WDFY2: variants seen among roughly 807,000 people sequenced by gnomAD.
The protein encoded by WDFY2 is WD repeat and FYVE domain-containing protein 2.
In WDFY2, 36 loss-of-function variants were observed where a neutral mutation model predicts 56.4. The observed-to-expected ratio is 0.64, with a 90% CI of 0.49 to 0.84. The LOEUF is 0.84. Among genes scored for constraint, WDFY2 ranks in the 40% least tolerant of loss-of-function variants. The probability of loss-of-function intolerance (pLI) is 0.00; values close to 1 mark genes in which losing one functional copy is unlikely to be tolerated. For synonymous variants in WDFY2, 176 were observed against 183.7 expected (o/e 0.96, Z 0.34); for missense variants, 444 against 512.2 (o/e 0.87, Z 1.29).
At chr13:51,661,575 G>T (rs1955614693) in intron 2 of WDFY2, among the ~76,000 whole-genome samples, 1 of 152,122 alleles carries the variant, frequency 6.6e-6, no homozygotes. Flanking sequence ...ATGCTAAATT[G>T]TAGATTTGCT....
At chr13:51,714,215 A>G (rs1474708343) in intron 4 of WDFY2, among the ~76,000 whole-genome samples, 4 of 147,620 alleles carry the variant, frequency 2.7e-5, no homozygotes, top group Non-Finnish European at 6.0e-5. Context: ...ATTCCTTTCA[A>G]AAAAAAAAAA....
At chr13:51,654,480 G>A (rs770391784) in intron 1 of WDFY2, among the ~76,000 whole-genome samples, 6 of 152,098 alleles carry the variant, frequency 3.9e-5, no homozygotes, top group African/African-American at 4.8e-5. Flanking sequence ...GAAATCATTC[G>A]CCTTCTGCGT....
chr13:51,759,095 T>G (rs775446594), intron 11 of WDFY2, among the ~76,000 whole-genome samples: 2 of 152,184 alleles, frequency 1.3e-5, no homozygotes, highest in Non-Finnish European at 2.9e-5. Context: ...GTGCAAGAAT[T>G]ACTTGAGCCC....
chr13:51,718,617 A>G (rs1952419024), intron 4 of WDFY2, among the ~76,000 whole-genome samples: 1 of 151,336 alleles, frequency 6.6e-6, no homozygotes, highest in Non-Finnish European at 1.5e-5. Context: ...AACATAAGGG[A>G]TACTTCACTT....
rs368134096 is a variant in WDFY2 at position 51,701,520 on chromosome 13, C to CAAA, written c.280-2059_280-2057dup. Among the ~76,000 whole-genome samples, 209 of 79,460 alleles carry CAAA rather than the reference C, an allele frequency of 2.6e-3. 3 individuals are homozygous for CAAA. The highest frequency in any genetic ancestry group is 0.013 in the South Asian group (31 of 2,448). 52.1% of individuals were successfully genotyped at this position (79,460 alleles called of 152,430 possible). ...TGGGTGACAGAGCAAGATTCCATCT[C>CAAA]AAAAAAAAAAAAAAAAAAAGTAATA... is the stretch of plus-strand genomic sequence containing the variant. On this transcript the variant is annotated intron_variant, in intron 3 of 11. Transcript: ENST00000298125.
At chr13:51,602,089 T>G (rs1245756888) in intron 1 of WDFY2, among the ~76,000 whole-genome samples, 1 of 152,204 alleles carries the variant, frequency 6.6e-6, no homozygotes, top group Non-Finnish European at 1.5e-5. Flanking sequence ...AACAGGGTCT[T>G]TGAGGAAGTA....
At chr13:51,591,763 C>T (rs1954048183) in intron 1 of WDFY2, 1 of 152,064 alleles carries the variant, frequency 6.6e-6, no homozygotes, top group African/African-American at 2.4e-5. Context: ...TGTTTTGTAC[C>T]TTCTTTTTCT....
At chr13:51,607,030 T>C (rs1307321035) in intron 1 of WDFY2, among the ~76,000 whole-genome samples, 4 of 152,206 alleles carry the variant, frequency 2.6e-5, no homozygotes, top group Non-Finnish European at 2.9e-5. Flanking sequence ...AAATAACCTC[T>C]AGCAGCCAAA....
chr13:51,642,970 C>G (rs985108033), intron 1 of WDFY2, among the ~76,000 whole-genome samples: 6 of 152,290 alleles, frequency 3.9e-5, no homozygotes, highest in South Asian at 2.1e-4. Context: ...GGCACTGCGC[C>G]CAGCCATGTG....
intron 1 of WDFY2, among the ~76,000 whole-genome samples, chr13:51,641,571 A>G (rs534301483): frequency 6.6e-6 from 1 of 151,436 alleles, no homozygotes; most frequent in African/African-American, 2.4e-5. Context: ...TCACGCCTGT[A>G]ATCCCAGCAC....
chr13:51,638,169 G>A (rs760257040), intron 1 of WDFY2, among the ~76,000 whole-genome samples: 5 of 152,206 alleles, frequency 3.3e-5, no homozygotes, highest in Non-Finnish European at 4.4e-5. Context: ...AGAGTTGAGC[G>A]TGGTCCTCAA....
chr13:51,700,991 T>A (rs1478817435), intron 3 of WDFY2, among the ~76,000 whole-genome samples: 1 of 152,052 alleles, frequency 6.6e-6, no homozygotes, highest in Non-Finnish European at 1.5e-5. Context: ...TTATACTACA[T>A]CCTATACAGT....
chr13:51,600,785 A>G (rs1272694235), intron 1 of WDFY2, among the ~76,000 whole-genome samples: 2 of 152,136 alleles, frequency 1.3e-5, no homozygotes, highest in African/African-American at 4.8e-5. Flanking sequence ...ACTGGACCCT[A>G]TGGGCATGAG....
chr13:51,722,656 C>T (rs560229605), intron 5 of WDFY2, among the ~76,000 whole-genome samples: 4 of 152,260 alleles, frequency 2.6e-5, no homozygotes, highest in South Asian at 4.2e-4. Context: ...AACCAAGGCT[C>T]AGGGAGTAGG....
At chr13:51,734,246 C>A (rs1952787094) in intron 6 of WDFY2, among the ~76,000 whole-genome samples, 1 of 152,214 alleles carries the variant, frequency 6.6e-6, no homozygotes, top group South Asian at 2.1e-4. Flanking sequence ...AAATTAGTTC[C>A]CTAAGCATTT....
intron 1 of WDFY2, among the ~76,000 whole-genome samples, chr13:51,638,696 A>G (rs1955098336): frequency 6.6e-6 from 1 of 152,236 alleles, no homozygotes; most frequent in South Asian, 2.1e-4. Context: ...TAACTCCTTG[A>G]AAGTATGCTG....
chr13:51,660,661 C>G lies in WDFY2; in HGVS notation c.203C>G (p.Pro68Arg). ...QYWPSVYHAMPSPCSCMSFNP... is the reference protein window; with the variant it reads ...QYWPSVYHAMRSPCSCMSFNP... ...TGGCCAAGCGTATACCATGCAATGC[C>G]TTGTAAGTATCCAAATCGCTGTCTT... Residue 68 changes from proline to arginine, a missense_variant and splice_region_variant, in exon 2 of 12, where the codon CCT becomes CGT. Physicochemically the swap from Pro to Arg is moderately radical, Grantham distance 103. Transcript: ENST00000298125. 6.2e-7 allele frequency: 1 copy of G among 1,613,392 alleles called. No homozygotes were observed. The highest frequency in any genetic ancestry group is 8.5e-7 in the Non-Finnish European group (1 of 1,179,582).
intron 3 of WDFY2, among the ~76,000 whole-genome samples, chr13:51,697,326 C>T (rs1174230430): frequency 6.6e-6 from 1 of 151,860 alleles, no homozygotes; most frequent in Admixed American, 6.6e-5. Context: ...AATAATAAAA[C>T]ATTGGTGTCT....
intron 1 of WDFY2, among the ~76,000 whole-genome samples, chr13:51,620,233 G>A (rs1448138432): frequency 5.3e-5 from 8 of 151,520 alleles, no homozygotes; most frequent in Non-Finnish European, 7.4e-5. Context: ...TGGGTTGGGA[G>A]ACTGTGTGGG....
Sources: gnomAD v4.1 joint callset for allele counts (sites outside exome capture counted in the v4.1 genomes callset) on GRCh38, gnomAD v4.1.1 for gene constraint, MANE v1.5 for transcripts, NCBI Gene and HGNC (gene_info 2026-07-23, HGNC 2026-07-21) for gene names.